The following HS6ST3 variants were observed in gnomAD, a reference collection of about 807,000 sequenced individuals.
HS6ST3 encodes heparan sulfate 6-O-sulfotransferase 3, also known as heparan-sulfate 6-O-sulfotransferase 3.
Under a neutral mutation model 36.7 loss-of-function variants are expected in HS6ST3, and 12 were observed. That is an observed-to-expected ratio of 0.33 (90% CI 0.21 to 0.53). The LOEUF is 0.53. HS6ST3 is among the 20% of genes least tolerant of loss of function. HS6ST3 has a pLI of 0.95. For missense variants in HS6ST3, 584 were observed against 640.9 expected (o/e 0.91, Z 0.96); for synonymous variants, 240 against 257.5 (o/e 0.93, Z 0.65).
intron 1 of HS6ST3, among the ~76,000 whole-genome samples, chr13:96,673,556 T>A (rs974688602): frequency 1.3e-5 from 2 of 152,182 alleles, no homozygotes; most frequent in Non-Finnish European, 2.9e-5. Context: ...TTTTCTTTAT[T>A]GATTTTTGAA....
At chr13:96,831,670 G>T (rs957385099) in intron 1 of HS6ST3, among the ~76,000 whole-genome samples, 5 of 152,136 alleles carry the variant, frequency 3.3e-5, no homozygotes, top group Non-Finnish European at 1.5e-5. Context: ...AGATTAAGGA[G>T]GCCAGCAGGC....
At chr13:96,743,186 GTTCTT>G (rs1436835852) in intron 1 of HS6ST3, among the ~76,000 whole-genome samples, 2 of 152,092 alleles carry the variant, frequency 1.3e-5, no homozygotes, top group Non-Finnish European at 2.9e-5. Context: ...AAGGTGTAGG[GTTCTT>G]TATGTTTGAA....
chr13:96,176,996 C>T (rs544215284), intron 1 of HS6ST3, among the ~76,000 whole-genome samples: 8 of 152,116 alleles, frequency 5.3e-5, no homozygotes, highest in African/African-American at 7.2e-5. Context: ...AAGACATACA[C>T]GCGGCCAACT....
At chr13:96,552,089 T>C (rs2056221568) in intron 1 of HS6ST3, among the ~76,000 whole-genome samples, 1 of 152,194 alleles carries the variant, frequency 6.6e-6, no homozygotes, top group Non-Finnish European at 1.5e-5. Context: ...AAAAAGTTTA[T>C]TGCATGCATT....
At chr13:96,663,742 C>T (rs781151187) in intron 1 of HS6ST3, among the ~76,000 whole-genome samples, 4 of 152,136 alleles carry the variant, frequency 2.6e-5, no homozygotes, top group Non-Finnish European at 4.4e-5. Flanking sequence ...CCAATTCAAA[C>T]GTCCATCAAT....
At chr13:96,469,791 A>G (rs2138889553) in intron 1 of HS6ST3, among the ~76,000 whole-genome samples, 1 of 152,186 alleles carries the variant, frequency 6.6e-6, no homozygotes, top group South Asian at 2.1e-4. Flanking sequence ...TAATAATGGT[A>G]GTAGTGGCAG....
chr13:96,650,674 T>C (rs974518535), intron 1 of HS6ST3, among the ~76,000 whole-genome samples: 2 of 152,024 alleles, frequency 1.3e-5, no homozygotes, highest in East Asian at 3.9e-4. Context: ...GGTGGAAGAC[T>C]GAAATATAAG....
chr13:96,567,610 AAC>A (rs1172921634), intron 1 of HS6ST3, among the ~76,000 whole-genome samples: 5 of 152,164 alleles, frequency 3.3e-5, no homozygotes, highest in African/African-American at 9.6e-5. Flanking sequence ...AAGACACAAA[AAC>A]ACAAATCATT....
chr13:96,512,814 A>G (rs1181895882), intron 1 of HS6ST3, among the ~76,000 whole-genome samples: 1 of 151,952 alleles, frequency 6.6e-6, no homozygotes, highest in African/African-American at 2.4e-5. Flanking sequence ...GGGTAATTAT[A>G]TCATCCATAA....
chr13:96,569,594 T>G (rs1187069959), intron 1 of HS6ST3, among the ~76,000 whole-genome samples: 1 of 152,242 alleles, frequency 6.6e-6, no homozygotes, highest in Non-Finnish European at 1.5e-5. Context: ...GACTTGCAGT[T>G]ATTAAATATG....
chr13:96,338,433 C>A (rs2055112910), intron 1 of HS6ST3, among the ~76,000 whole-genome samples: 1 of 152,174 alleles, frequency 6.6e-6, no homozygotes, highest in African/African-American at 2.4e-5. Flanking sequence ...TCTCTGAGCT[C>A]AGAATCCTTC....
chr13:96,753,932 G>C (rs1208135903), intron 1 of HS6ST3, among the ~76,000 whole-genome samples: 1 of 152,012 alleles, frequency 6.6e-6, no homozygotes, highest in Non-Finnish European at 1.5e-5. Flanking sequence ...CGATTCTCCT[G>C]CCTCAGCCTC....
At chr13:96,588,909 T>C (rs1337288310) in intron 1 of HS6ST3, among the ~76,000 whole-genome samples, 1 of 151,834 alleles carries the variant, frequency 6.6e-6, no homozygotes. Context: ...AAATTAGCCA[T>C]GCATGGTGGC....
chr13:96,468,141 C>G (rs2055823429), intron 1 of HS6ST3, among the ~76,000 whole-genome samples: 1 of 152,152 alleles, frequency 6.6e-6, no homozygotes, highest in Non-Finnish European at 1.5e-5. Context: ...CTTTTCCAAG[C>G]AGTGATTTGC....
chr13:96,313,464 C>T (rs1359764236), intron 1 of HS6ST3, among the ~76,000 whole-genome samples: 1 of 152,002 alleles, frequency 6.6e-6, no homozygotes, highest in Admixed American at 6.6e-5. Flanking sequence ...TTGGATTTCC[C>T]CATATTATTT....
At chr13:96,449,718 A>G (rs888498553) in intron 1 of HS6ST3, among the ~76,000 whole-genome samples, 8 of 152,344 alleles carry the variant, frequency 5.3e-5, no homozygotes, top group Admixed American at 3.3e-4. Flanking sequence ...AAATGTTCAG[A>G]ACACTATAAC....
chr13:96,458,970 G>A (rs536532216), intron 1 of HS6ST3, among the ~76,000 whole-genome samples: 2 of 151,804 alleles, frequency 1.3e-5, no homozygotes, highest in Non-Finnish European at 2.9e-5. Flanking sequence ...TGGGCATGGT[G>A]GCATGCTCCT....
chr13:96,690,671 T>A (rs1316870878), intron 1 of HS6ST3, among the ~76,000 whole-genome samples: 2 of 152,074 alleles, frequency 1.3e-5, no homozygotes, highest in Non-Finnish European at 2.9e-5. Flanking sequence ...TGAAATGCAT[T>A]TTTTATCACT....
chr13:96,574,254 G>T (rs1004663484), intron 1 of HS6ST3: 1 of 427,716 alleles, frequency 2.3e-6, no homozygotes, highest in East Asian at 5.7e-5. Context: ...TGGGAGATAG[G>T]GGTCCATGGG....
Sources: gnomAD v4.1 joint callset for allele counts (sites outside exome capture counted in the v4.1 genomes callset) on GRCh38, gnomAD v4.1.1 for gene constraint, MANE v1.5 for transcripts, NCBI Gene and HGNC (gene_info 2026-07-23, HGNC 2026-07-21) for gene names.